The following ZFYVE9 variants were observed in gnomAD, a reference collection of about 807,000 sequenced individuals.
The protein encoded by ZFYVE9 is zinc finger FYVE domain-containing protein 9.
Under a neutral mutation model 126.7 loss-of-function variants are expected in ZFYVE9, and 43 were observed. The ratio of observed to expected loss-of-function variants is 0.34; its 90% CI spans 0.27 to 0.44. The LOEUF (loss-of-function observed/expected upper bound fraction) is 0.44, where lower values mean the gene tolerates loss of function less well. Ranked by LOEUF, ZFYVE9 falls within the 20% of genes least tolerant of loss-of-function variation. The pLI, the probability that ZFYVE9 is intolerant of heterozygous loss-of-function variation, is 1.00. For synonymous variants in ZFYVE9, 521 were observed against 597.4 expected, an observed-to-expected ratio of 0.87 and a Z score of 1.87; for missense variants, 1,476 against 1,697.0, an observed-to-expected ratio of 0.87 and a Z score of 2.29.
intron 4 of ZFYVE9, among the ~76,000 whole-genome samples, chr1:52,240,715 C>A (rs1435187692): frequency 6.6e-6 from 1 of 152,152 alleles, no homozygotes; most frequent in African/African-American, 2.4e-5. Context: ...AACCTGACAA[C>A]TTCCTAAGCA....
At chr1:52,191,577 T>TA (rs1215700920) in intron 1 of ZFYVE9, among the ~76,000 whole-genome samples, 1 of 152,224 alleles carries the variant, frequency 6.6e-6, no homozygotes. Flanking sequence ...TTCTAATCCT[T>TA]ACCACAGTCC....
chr1:52,263,944 TC>T, intron 5 of ZFYVE9, 72 bp downstream of exon 5: 2 of 948,280 alleles, frequency 2.1e-6, no homozygotes, highest in South Asian at 1.8e-5. Flanking sequence ...AAGACTTTTT[TC>T]CCCCTGCCTT....
intron 12 of ZFYVE9, among the ~76,000 whole-genome samples, chr1:52,298,336 T>C (rs1645997697): frequency 6.6e-6 from 1 of 152,020 alleles, no homozygotes; most frequent in African/African-American, 2.4e-5. Flanking sequence ...TGGGGAGAGG[T>C]GGGGGTCTAG....
chr1:52,247,394 C>T (rs1645396863), intron 4 of ZFYVE9, among the ~76,000 whole-genome samples: 1 of 152,112 alleles, frequency 6.6e-6, no homozygotes, highest in African/African-American at 2.4e-5. Flanking sequence ...GTAAAATATG[C>T]ATAACATAAA....
intron 4 of ZFYVE9, among the ~76,000 whole-genome samples, chr1:52,240,334 TATTA>T (rs747301363): frequency 6.6e-6 from 1 of 152,208 alleles, no homozygotes; most frequent in African/African-American, 2.4e-5. Flanking sequence ...GCTTTGTTAC[TATTA>T]ATTATATAAC....
chr1:52,243,491 G>C (rs770933481), intron 4 of ZFYVE9, among the ~76,000 whole-genome samples: 3 of 152,210 alleles, frequency 2.0e-5, no homozygotes, highest in Non-Finnish European at 4.4e-5. Context: ...TTGAGGTTAA[G>C]AAGGCACCTA....
chr1:52,342,407 A>G (rs184049396), intron 17 of ZFYVE9, among the ~76,000 whole-genome samples: 143 of 151,030 alleles, frequency 9.5e-4, no homozygotes, highest in African/African-American at 3.4e-3. Flanking sequence ...CTGGGATTAC[A>G]GGCGCCCGCT....
At chr1:52,265,254 G>T (rs1375827748) in intron 5 of ZFYVE9, among the ~76,000 whole-genome samples, 4 of 152,014 alleles carry the variant, frequency 2.6e-5, no homozygotes, top group Non-Finnish European at 5.9e-5. Context: ...ATGCTTTTCG[G>T]TGTTCCCTAT....
chr1:52,172,637 G>A (rs1388464714), intron 1 of ZFYVE9, among the ~76,000 whole-genome samples: 1 of 152,176 alleles, frequency 6.6e-6, no homozygotes, highest in African/African-American at 2.4e-5. Flanking sequence ...CCATGAGCAT[G>A]GAATGTTCTT....
In ZFYVE9 at chr1:52,274,587, A is replaced by G. The variant is rs371050196; in HGVS notation, c.2746+3A>G. On this transcript the variant is annotated splice_donor_region_variant and intron_variant, in intron 8 of 18. Transcript: ENST00000287727. ...CATCTCCACTGGTGTAAAAGGAGGT[A>G]AGTGGACTACATATTTAAACAGTGA... The G allele has an allele frequency of 1.2e-6, 2 of 1,603,888 alleles. No homozygotes were observed. The highest frequency in any genetic ancestry group is 1.7e-5 in the Admixed American group (1 of 59,890).
rs971224175 is a variant in ZFYVE9, at chr1:52,302,346, C to G, written c.3334-1475C>G. On this transcript the variant is annotated intron_variant, in intron 12 of 18. Coordinates refer to ENST00000287727, the MANE Select transcript of ZFYVE9 (RefSeq NM_004799.4). The stretch of plus-strand genomic sequence containing the variant: ...TTCTACATTTCAGTAAATGGCAGTT[C>G]CAGTCTTCTAGTAGCCCTGGCTATA... Among the ~76,000 whole-genome samples, 11 of 152,178 alleles carry G rather than the reference C, an allele frequency of 7.2e-5. No individual in the cohort carries two copies. In the East Asian group the frequency reaches 2.1e-3, roughly 29 times the overall value.
At chr1:52,175,500 G>A (rs980595974) in intron 1 of ZFYVE9, among the ~76,000 whole-genome samples, 37 of 150,012 alleles carry the variant, frequency 2.5e-4, no homozygotes, top group South Asian at 8.6e-4. Context: ...TGCTCTTCTC[G>A]AGGAGTATCT....
Position 52,255,938 on chromosome 1 carries a change from CT to C in ZFYVE9, c.2179-7831del, listed in dbSNP as rs1553129409. Among the ~76,000 whole-genome samples the C allele has an allele frequency of 2.6e-3, 325 of 124,254 alleles. 4 individuals carry two copies. The highest frequency in any genetic ancestry group is 0.012 in the African/African-American group (310 of 25,158). The allele number at this position is 124,254 out of a possible 152,430, so 81.5% of individuals were successfully genotyped here. On this transcript the variant is annotated intron_variant, in intron 4 of 18. Transcript: ENST00000287727. ...CTTTTCTTTTCTTTTCTTTTCTTTT[CT>C]TTTCTTTTCTTTTCTTTTCTTTTCT...
chr1:52,253,570 C>T (rs182530395), intron 4 of ZFYVE9: 31 of 863,882 alleles, frequency 3.6e-5, no homozygotes, highest in Admixed American at 1.5e-4. Context: ...CACAGAGCTG[C>T]TGGAGATCCT....
intron 10 of ZFYVE9, among the ~76,000 whole-genome samples, 194 bp downstream of exon 10, chr1:52,282,010 CA>C (rs1280167810): frequency 6.6e-6 from 1 of 152,106 alleles, no homozygotes; most frequent in Non-Finnish European, 1.5e-5. Context: ...TTTTATTTTA[CA>C]GAGGCTGGAA....
At chr1:52,190,941 CCCTTCCTCCCTCCCTTCCTT>C in intron 1 of ZFYVE9, among the ~76,000 whole-genome samples, 1 of 151,650 alleles carries the variant, frequency 6.6e-6, no homozygotes, top group Non-Finnish European at 1.5e-5. Context: ...GATATTCATT[CCCTTCCTCCCTCCCTTCCTT>C]CCTTCCTTCC....
At chr1:52,338,925 C>CA (rs1473064254) in intron 16 of ZFYVE9, among the ~76,000 whole-genome samples, 1 of 152,116 alleles carries the variant, frequency 6.6e-6, no homozygotes, top group African/African-American at 2.4e-5. Context: ...GCAGGAGACT[C>CA]ACTTGAATCG....
At chr1:52,203,691 G>C (rs189573404) in intron 1 of ZFYVE9, among the ~76,000 whole-genome samples, 1 of 97,308 alleles carries the variant, frequency 1.0e-5, no homozygotes, top group Non-Finnish European at 2.2e-5. Context: ...CTTATTACAC[G>C]TATGTTACAC....
chr1:52,314,938 C>T (rs1315507729), intron 13 of ZFYVE9, among the ~76,000 whole-genome samples: 4 of 152,072 alleles, frequency 2.6e-5, no homozygotes, highest in Non-Finnish European at 5.9e-5. Context: ...GAGCTGAGAT[C>T]GTGCCACTGA....
Sources: gnomAD v4.1 joint callset for allele counts (sites outside exome capture counted in the v4.1 genomes callset) on GRCh38, gnomAD v4.1.1 for gene constraint, MANE v1.5 for transcripts, NCBI Gene and HGNC (gene_info 2026-07-23, HGNC 2026-07-21) for gene names.